Variants in TBC1D15 observed in about 807,000 individuals in gnomAD.
The protein encoded by TBC1D15 is TBC1 domain family member 15.
A neutral mutation model predicts 95.4 loss-of-function variants in TBC1D15; 39 were observed. The observed-to-expected ratio is 0.41, with a 90% confidence interval of 0.32 to 0.53. The LOEUF is 0.53. TBC1D15 is among the 20% of genes least tolerant of loss of function. TBC1D15 has a pLI of 0.29. For missense variants in TBC1D15, 733 were observed against 794.3 expected (o/e 0.92, Z 0.93); for synonymous variants, 258 against 261.3 (o/e 0.99, Z 0.12).
chr12:71,919,060 T>C (rs900759071), intron 14 of TBC1D15, among the ~76,000 whole-genome samples: 1 of 152,200 alleles, frequency 6.6e-6, no homozygotes, highest in Non-Finnish European at 1.5e-5. Context: ...TAGTACCCAA[T>C]AGGTAATTTT....
rs1895978760 is a variant in TBC1D15, at chr12:71,885,087, T to C, written c.554+66T>C. 3.3e-6 allele frequency: 5 copies of C among 1,525,250 alleles called. No individual in the cohort carries two copies. The Admixed American group carries it at 8.9e-5, about 27-fold the overall frequency. 94.5% of individuals were successfully genotyped at this position (1,525,250 alleles called of 1,614,324 possible). On this transcript the variant is annotated intron_variant, in intron 5 of 16. Transcript: ENST00000485960. Reference sequence around the variant, plus strand: ...TTGTATTAATCCCAAAGCAAACTATTTTTACTTGACCTTGGGCATCAGTGA... The same window carrying C: ...TTGTATTAATCCCAAAGCAAACTATCTTTACTTGACCTTGGGCATCAGTGA...
chr12:71,868,039 A>C (rs1251593858), intron 1 of TBC1D15, among the ~76,000 whole-genome samples: 1 of 152,166 alleles, frequency 6.6e-6, no homozygotes, highest in South Asian at 2.1e-4. Context: ...AAATTTATTA[A>C]TTTTATTTGC....
At chr12:71,921,677 G>A (rs369943777) in intron 16 of TBC1D15, among the ~76,000 whole-genome samples, 2 of 152,268 alleles carry the variant, frequency 1.3e-5, no homozygotes. Context: ...AATGGTAAAA[G>A]TAATGAAAAT....
chr12:71,866,210 A>G (rs1891467794), intron 1 of TBC1D15, among the ~76,000 whole-genome samples: 1 of 152,120 alleles, frequency 6.6e-6, no homozygotes, highest in South Asian at 2.1e-4. Context: ...ATCTGTGGCT[A>G]CTTGCCCCTA....
At chr12:71,922,486 A>G (rs577149942) in intron 16 of TBC1D15, among the ~76,000 whole-genome samples, 1 of 151,624 alleles carries the variant, frequency 6.6e-6, no homozygotes, top group Admixed American at 6.6e-5. Flanking sequence ...GGTTTGCTGC[A>G]CCCCTTATGA....
chr12:71,853,952 TC>T (rs1373044568), intron 1 of TBC1D15, among the ~76,000 whole-genome samples: 3 of 152,214 alleles, frequency 2.0e-5, no homozygotes, highest in African/African-American at 7.2e-5. Flanking sequence ...CATGCACTGT[TC>T]CATACTCTGC....
chr12:71,918,303 C>A, intron 13 of TBC1D15, 148 bp from the exon 14 acceptor site: 1 of 508,764 alleles, frequency 2.0e-6, no homozygotes, highest in Non-Finnish European at 3.5e-6. Flanking sequence ...AGTCAGCCTT[C>A]AAGTTTGAAA....
intron 1 of TBC1D15, among the ~76,000 whole-genome samples, chr12:71,859,612 T>C (rs1889928703): frequency 1.4e-5 from 2 of 143,216 alleles, no homozygotes; most frequent in African/African-American, 5.9e-5. Flanking sequence ...GCTTCAATCC[T>C]TTTTGTTTTT....
At chr12:71,877,204 G>GT (rs775138713) in intron 3 of TBC1D15, among the ~76,000 whole-genome samples, 2,586 of 139,926 alleles carry the variant, frequency 0.018, 69 homozygotes, top group African/African-American at 0.066. Flanking sequence ...GTGTGTGTGT[G>GT]TGTGTGTTTT....
chr12:71,887,400 A>G (rs1896445914), intron 5 of TBC1D15, among the ~76,000 whole-genome samples: 1 of 152,206 alleles, frequency 6.6e-6, no homozygotes, highest in Non-Finnish European at 1.5e-5. Flanking sequence ...AGAAATTTCA[A>G]TGCAACATTA....
chr12:71,919,528 G>A (rs760643363), intron 14 of TBC1D15, among the ~76,000 whole-genome samples: 1 of 152,118 alleles, frequency 6.6e-6, no homozygotes, highest in African/African-American at 2.4e-5. Flanking sequence ...ACTATTGATG[G>A]CTGTGCTACC....
At chr12:71,845,464 G>C (rs328769) in intron 1 of TBC1D15, among the ~76,000 whole-genome samples, 3,699 of 152,230 alleles carry the variant, frequency 0.024, 147 homozygotes, top group African/African-American at 0.083. Flanking sequence ...AGAATAAGTG[G>C]GTGGATGAGA....
chr12:71,854,695 A>T, intron 1 of TBC1D15: 3 of 455,748 alleles, frequency 6.6e-6, no homozygotes, highest in Non-Finnish European at 1.3e-5. Context: ...TGTAATTTGT[A>T]TTAAAGTGTC....
At chr12:71,850,239 C>T in intron 1 of TBC1D15, 1 of 550,576 alleles carries the variant, frequency 1.8e-6, no homozygotes, top group Non-Finnish European at 3.5e-6. Flanking sequence ...CAGTTTTCTT[C>T]CTTTCAAAAG....
chr12:71,896,313 A>C lies in TBC1D15; in HGVS notation c.984+238A>C, dbSNP rs1898165105. ...TTCCTGGGGGTTGGGTAGACCCTTA[A>C]CTCTGGGGGAAGAATTCTTCCGTAC... On this transcript the variant is annotated intron_variant, in intron 8 of 16. Transcript: ENST00000485960. 7.1e-6 allele frequency: 3 copies of C among 424,980 alleles called. No homozygotes were observed. The East Asian group carries it at 1.2e-4, about 16-fold the overall frequency. The allele number at this position is 424,980 out of a possible 1,614,324, so 26.3% of individuals were successfully genotyped here. A position where few individuals can be genotyped will look rare whatever the true frequency, so the allele number is the denominator to read the frequency against.
chr12:71,879,505 G>A (rs1269438517), intron 3 of TBC1D15, among the ~76,000 whole-genome samples: 1 of 152,122 alleles, frequency 6.6e-6, no homozygotes, highest in Non-Finnish European at 1.5e-5. Context: ...TTTTATGTAT[G>A]TATGTGTTTA....
At chr12:71,899,887 G>C (rs985095662) in intron 10 of TBC1D15, among the ~76,000 whole-genome samples, 2 of 151,926 alleles carry the variant, frequency 1.3e-5, no homozygotes, top group South Asian at 4.1e-4. Flanking sequence ...TGAGCCTATG[G>C]GGTTGAGGCC....
intron 5 of TBC1D15, among the ~76,000 whole-genome samples, chr12:71,887,596 T>C (rs1896485514): frequency 6.6e-6 from 1 of 152,180 alleles, no homozygotes; most frequent in African/African-American, 2.4e-5. Flanking sequence ...TTTTTCTACT[T>C]GGAATATTTT....
intron 1 of TBC1D15, among the ~76,000 whole-genome samples, chr12:71,859,956 G>A (rs1043820350): frequency 6.6e-6 from 1 of 152,112 alleles, no homozygotes; most frequent in Non-Finnish European, 1.5e-5. Context: ...GAGAGGTAGT[G>A]TTCTAGTTTC....
Sources: gnomAD v4.1 joint callset for allele counts (sites outside exome capture counted in the v4.1 genomes callset) on GRCh38, gnomAD v4.1.1 for gene constraint, MANE v1.5 for transcripts, NCBI Gene and HGNC (gene_info 2026-07-23, HGNC 2026-07-21) for gene names.